TGFB2: variants seen among roughly 807,000 people sequenced by gnomAD.
TGFB2 encodes transforming growth factor beta 2.
TGFB2 carries 13 observed loss-of-function variants against 42.7 expected under a neutral mutation model. That is an observed-to-expected ratio of 0.30 (90% CI 0.20 to 0.48). TGFB2 has a LOEUF of 0.48. Among genes scored for constraint, TGFB2 ranks in the 20% least tolerant of loss-of-function variants. The pLI is 0.99. For synonymous variants in TGFB2, 193 were observed against 193.6 expected, an observed-to-expected ratio of 1.00 and a Z score of 0.03; for missense variants, 390 against 517.5, an observed-to-expected ratio of 0.75 and a Z score of 2.39.
intron 2 of TGFB2, among the ~76,000 whole-genome samples, chr1:218,412,498 G>C (rs907423448): frequency 7.9e-5 from 12 of 152,178 alleles, no homozygotes; most frequent in East Asian, 3.8e-4. Context: ...GACCTTCCTC[G>C]TGTTTCAGTG....
intron 1 of TGFB2, among the ~76,000 whole-genome samples, chr1:218,359,249 T>A (rs1657136517): frequency 6.6e-6 from 1 of 152,210 alleles, no homozygotes; most frequent in East Asian, 1.9e-4. Flanking sequence ...TCTTCACTGT[T>A]TTCTGTCTGA....
At chr1:218,352,409 A>G (rs1205553075) in intron 1 of TGFB2, among the ~76,000 whole-genome samples, 2 of 152,160 alleles carry the variant, frequency 1.3e-5, no homozygotes, top group African/African-American at 4.8e-5. Context: ...TTGAAGGCAT[A>G]TGTGTGCTTT....
At position 218,404,588 on chromosome 1, in the gene TGFB2, G is replaced by A. The variant is rs111389386; in HGVS notation, c.347-581G>A. Reference sequence around the variant, plus strand: ...AACTGGATCTGGTATAAGCTAGTACGTGGGTTATACTTTTGTTTATTCAAA... The same window carrying A: ...AACTGGATCTGGTATAAGCTAGTACATGGGTTATACTTTTGTTTATTCAAA... On this transcript the variant is annotated intron_variant, in intron 1 of 6. Transcript: ENST00000366930. Among the ~76,000 whole-genome samples the A allele has an allele frequency of 1.1e-3, 172 of 152,312 alleles. 1 individual carries two copies. Among genetic ancestry groups the A allele is most frequent in the African/African-American group, 3.8e-3 (160 of 41,570 alleles).
At chr1:218,417,012 A>G (rs1046620276) in intron 2 of TGFB2, among the ~76,000 whole-genome samples, 1 of 152,218 alleles carries the variant, frequency 6.6e-6, no homozygotes, top group Non-Finnish European at 1.5e-5. Context: ...TAAATTGCCC[A>G]GTCTTGCAGC....
In TGFB2 at chr1:218,444,043, A is replaced by C. The variant is rs1660243005; in HGVS notation, c.*2681A>C. ...AGTACCATCATCGAGTCTAGAAAACACCTGTGATGCAATAAGACTATCTCA... is the reference window on the plus strand; with the variant it reads ...AGTACCATCATCGAGTCTAGAAAACCCCTGTGATGCAATAAGACTATCTCA... On this transcript the variant is annotated 3_prime_UTR_variant, in exon 7 of 7. Coordinates refer to ENST00000366930, the MANE Select transcript of TGFB2 (RefSeq NM_003238.6). The C allele has an allele frequency of 6.6e-6, 1 of 152,056 alleles. No individual in the cohort carries two copies. The allele number at this position is 152,056 out of a possible 1,614,324, so 9.4% of individuals were successfully genotyped here.
chr1:218,434,052 G>C, intron 2 of TGFB2, 30 bp from the exon 3 acceptor site: 1 of 1,611,202 alleles, frequency 6.2e-7, no homozygotes, highest in Non-Finnish European at 8.5e-7. Context: ...TGCCAACTCA[G>C]CCTTTTCTCT....
intron 2 of TGFB2, among the ~76,000 whole-genome samples, chr1:218,411,459 C>T (rs1432791676): frequency 1.3e-5 from 2 of 152,084 alleles, no homozygotes; most frequent in African/African-American, 4.8e-5. Context: ...CAGCTGGGCT[C>T]CTCCCCCTAG....
chr1:218,358,155 A>G (rs544427668), intron 1 of TGFB2, among the ~76,000 whole-genome samples: 1 of 151,724 alleles, frequency 6.6e-6, no homozygotes, highest in East Asian at 1.9e-4. Flanking sequence ...TGAGAAAGAC[A>G]CTGAAATGAC....
Position 218,405,050 on chromosome 1 carries a change from G to T in TGFB2, c.347-119G>T, listed in dbSNP as rs540562280. 3.5e-6 allele frequency: 4 copies of T among 1,151,716 alleles called. No homozygotes were observed. In the South Asian group the frequency reaches 6.9e-5, roughly 20 times the overall value. 71.3% of individuals were successfully genotyped at this position (1,151,716 alleles called of 1,614,324 possible). ...CATTGTTAATGGTATTAAACTGGCC[G>T]TTGGAAACTATTCTGTAGATATTTC... On this transcript the variant is annotated intron_variant, in intron 1 of 6. Transcript: ENST00000366930.
intron 2 of TGFB2, among the ~76,000 whole-genome samples, chr1:218,417,432 T>A (rs1349341587): frequency 6.6e-6 from 1 of 152,190 alleles, no homozygotes; most frequent in Non-Finnish European, 1.5e-5. Flanking sequence ...AGCAAAGCAT[T>A]CAAGAGGTGA....
At chr1:218,357,868 G>C (rs912109414) in intron 1 of TGFB2, among the ~76,000 whole-genome samples, 11 of 152,166 alleles carry the variant, frequency 7.2e-5, no homozygotes, top group Non-Finnish European at 1.5e-4. Flanking sequence ...AAAAGTCATG[G>C]AGTAGCTATT....
chr1:218,363,826 G>A (rs1657296805), intron 1 of TGFB2, among the ~76,000 whole-genome samples: 4 of 152,130 alleles, frequency 2.6e-5, no homozygotes, highest in Admixed American at 2.0e-4. Flanking sequence ...ACACATAGTA[G>A]TTGCTCAATT....
intron 1 of TGFB2, among the ~76,000 whole-genome samples, chr1:218,347,755 T>C (rs1346816929): frequency 6.6e-6 from 1 of 152,236 alleles, no homozygotes; most frequent in Admixed American, 6.5e-5. Context: ...CGTTTCTGAC[T>C]GTGTTTTAAA....
intron 1 of TGFB2, among the ~76,000 whole-genome samples, chr1:218,391,583 GGC>G (rs1658317589): frequency 6.6e-6 from 1 of 152,128 alleles, no homozygotes; most frequent in African/African-American, 2.4e-5. Flanking sequence ...TGAATGCACA[GGC>G]TCACCACATC....
chr1:218,369,383 A>G (rs1373867259), intron 1 of TGFB2, among the ~76,000 whole-genome samples: 1 of 151,262 alleles, frequency 6.6e-6, no homozygotes, highest in African/African-American at 2.4e-5. Context: ...CTGCATTTCT[A>G]TAGCAAGAAT....
chr1:218,387,768 G>A (rs975484233), intron 1 of TGFB2, among the ~76,000 whole-genome samples: 16 of 152,262 alleles, frequency 1.1e-4, no homozygotes, highest in African/African-American at 2.6e-4. Context: ...TGTTTCTTCT[G>A]CCCAAGGCAG....
Position 218,396,380 on chromosome 1 carries a change from A to T in TGFB2, c.347-8789A>T, listed in dbSNP as rs182024632. On this transcript the variant is annotated intron_variant, in intron 1 of 6. Transcript: ENST00000366930. ...GAGCATGATGTAATGGCAGAACTGG[A>T]AGTGGGCTGCCAGGCCATCTAGCTC... 5.9e-5 allele frequency among the ~76,000 whole-genome samples: 9 copies of T among 152,238 alleles called. No homozygotes were observed. In the East Asian group the frequency reaches 1.7e-3, roughly 29 times the overall value.
At chr1:218,414,787 T>C (rs1659220453) in intron 2 of TGFB2, among the ~76,000 whole-genome samples, 1 of 139,292 alleles carries the variant, frequency 7.2e-6, no homozygotes, top group African/African-American at 2.7e-5. Flanking sequence ...TTGATAATTA[T>C]CGCTAATACA....
intron 1 of TGFB2, among the ~76,000 whole-genome samples, chr1:218,354,015 G>T (rs376957893): frequency 6.6e-6 from 1 of 152,106 alleles, no homozygotes; most frequent in Non-Finnish European, 1.5e-5. Context: ...TATACTGATG[G>T]TTATCTCTAT....
Sources: allele counts gnomAD v4.1 joint callset (sites outside exome capture counted in the v4.1 genomes callset), GRCh38; gene constraint gnomAD v4.1.1; transcripts MANE v1.5; gene names NCBI Gene and HGNC (gene_info 2026-07-23, HGNC 2026-07-21).